Variants in COBL observed in about 807,000 individuals in gnomAD.
COBL encodes the protein protein cordon-bleu.
Under a neutral mutation model 98.8 loss-of-function variants are expected in COBL, and 51 were observed. That is an observed-to-expected ratio of 0.52 (90% confidence interval 0.41 to 0.65). The LOEUF (loss-of-function observed/expected upper bound fraction) is 0.65, where lower values mean the gene tolerates loss of function less well. Ranked by LOEUF, COBL falls within the 30% of genes least tolerant of loss-of-function variation. The pLI, the probability that COBL is intolerant of heterozygous loss-of-function variation, is 0.00. For synonymous variants in COBL, 634 were observed against 651.7 expected (o/e 0.97, Z 0.41); for missense variants, 1,617 against 1,617.5 (o/e 1.00, Z 0.01).
intron 1 of COBL, among the ~76,000 whole-genome samples, chr7:51,275,132 C>T (rs1213191513): frequency 1.3e-5 from 2 of 152,254 alleles, no homozygotes; most frequent in Admixed American, 1.3e-4. Context: ...CACGTGGAGC[C>T]GCTCCATGTT....
chr7:51,066,191 T>C (rs993830), intron 7 of COBL, among the ~76,000 whole-genome samples: 2 of 152,202 alleles, frequency 1.3e-5, no homozygotes, highest in Non-Finnish European at 2.9e-5. Context: ...GTCTCTGTGG[T>C]GTCCTCTGAT....
intron 7 of COBL, among the ~76,000 whole-genome samples, chr7:51,081,093 A>AGCG (rs1562883805): frequency 2.0e-5 from 3 of 151,992 alleles, no homozygotes; most frequent in Non-Finnish European, 4.4e-5. Context: ...AGCGCGGGGC[A>AGCG]GGAGCGGGGC....
intron 1 of COBL, among the ~76,000 whole-genome samples, chr7:51,268,932 T>TAAAAAAAA (rs34068228): frequency 1.9e-5 from 2 of 103,564 alleles, no homozygotes; most frequent in Admixed American, 1.0e-4. Context: ...CCCGTCTCAA[T>TAAAAAAAA]AAAAAAAAAA....
At chr7:51,097,445 G>C (rs1795371960) in intron 6 of COBL, among the ~76,000 whole-genome samples, 1 of 152,088 alleles carries the variant, frequency 6.6e-6, no homozygotes, top group Non-Finnish European at 1.5e-5. Context: ...GGGAGTCCTA[G>C]CCATAACAAT....
At chr7:51,169,955 AAT>A (rs975307813) in intron 5 of COBL, among the ~76,000 whole-genome samples, 3 of 152,260 alleles carry the variant, frequency 2.0e-5, no homozygotes, top group South Asian at 4.1e-4. Flanking sequence ...GTACCCCATA[AAT>A]ATATATACCT....
In COBL at chr7:51,076,758, C is replaced by G. The variant is rs182542920; in HGVS notation, c.1096+8408G>C. ...GACAATGACCTATCTTCCCTTTATGCCTTTTGATCTTTTGTCAATTACCCT... is the reference window on the plus strand; with the variant it reads ...GACAATGACCTATCTTCCCTTTATGGCTTTTGATCTTTTGTCAATTACCCT... On this transcript the variant is annotated intron_variant, in intron 7 of 12. Transcript: ENST00000265136. Among the ~76,000 whole-genome samples the G allele has an allele frequency of 5.9e-5, 9 of 152,182 alleles. No individual in the cohort carries two copies. The East Asian group carries it at 1.4e-3, about 23-fold the overall frequency.
At chr7:51,255,150 C>T (rs1797084400) in intron 1 of COBL, among the ~76,000 whole-genome samples, 1 of 152,218 alleles carries the variant, frequency 6.6e-6, no homozygotes, top group African/African-American at 2.4e-5. Context: ...AATATGCAAG[C>T]TTCCCTTGCG....
intron 6 of COBL, among the ~76,000 whole-genome samples, chr7:51,109,172 G>A (rs1041577022): frequency 2.6e-5 from 4 of 151,994 alleles, no homozygotes; most frequent in Non-Finnish European, 5.9e-5. Context: ...GCACACTCTC[G>A]GGCTGCTCCC....
At chr7:51,174,635 C>A (rs1562996018) in intron 5 of COBL, among the ~76,000 whole-genome samples, 1 of 152,180 alleles carries the variant, frequency 6.6e-6, no homozygotes, top group African/African-American at 2.4e-5. Context: ...AAATGCCACA[C>A]ACTGGACACC....
intron 1 of COBL, among the ~76,000 whole-genome samples, chr7:51,261,261 A>T (rs1797696786): frequency 6.6e-6 from 1 of 152,160 alleles, no homozygotes; most frequent in Non-Finnish European, 1.5e-5. Flanking sequence ...GCCTATAAAA[A>T]AACTGCAGCC....
intron 6 of COBL, among the ~76,000 whole-genome samples, chr7:51,109,911 A>C (rs1796671129): frequency 1.3e-5 from 2 of 152,184 alleles, no homozygotes; most frequent in South Asian, 4.1e-4. Context: ...ACCTGTGCAA[A>C]GGTACGAGGA....
chr7:51,068,311 A>G (rs1466536308), intron 7 of COBL, among the ~76,000 whole-genome samples: 1 of 152,226 alleles, frequency 6.6e-6, no homozygotes, highest in Non-Finnish European at 1.5e-5. Context: ...TCAGATGACT[A>G]TTAAAATGCT....
chr7:51,273,936 T>A (rs181961828), intron 1 of COBL, among the ~76,000 whole-genome samples: 1 of 152,216 alleles, frequency 6.6e-6, no homozygotes, highest in African/African-American at 2.4e-5. Context: ...TGACGCCAAC[T>A]CCCCCTGTAG....
chr7:51,142,282 C>T (rs1799832915), intron 5 of COBL, among the ~76,000 whole-genome samples: 1 of 151,924 alleles, frequency 6.6e-6, no homozygotes, highest in African/African-American at 2.4e-5. Flanking sequence ...ATGCATACTT[C>T]AGCCAACAAA....
chr7:51,085,597 G>C (rs1794162285), intron 6 of COBL, among the ~76,000 whole-genome samples: 1 of 152,192 alleles, frequency 6.6e-6, no homozygotes, highest in South Asian at 2.1e-4. Context: ...GGGACTCCAG[G>C]CAAGTCTGGA....
chr7:51,152,178 G>A (rs1785626907), intron 5 of COBL, among the ~76,000 whole-genome samples: 1 of 152,176 alleles, frequency 6.6e-6, no homozygotes, highest in Admixed American at 6.5e-5. Flanking sequence ...TACGCACAAG[G>A]GACAGGCCCA....
At chr7:51,030,756 T>C (rs190516792) in intron 9 of COBL, 56 bp downstream of exon 9, 1,406 of 1,109,346 alleles carry the variant, frequency 1.3e-3, no homozygotes, top group Non-Finnish European at 1.8e-3. Flanking sequence ...GAAGTTACTG[T>C]TGGCACCTAC....
Position 51,224,539 on chromosome 7 carries a change from C to T in COBL, c.42-4595G>A, listed in dbSNP as rs760187257. 1.9e-4 allele frequency among the ~76,000 whole-genome samples: 29 copies of T among 150,802 alleles called. No individual in the cohort carries two copies. In the Middle Eastern group the frequency reaches 0.01, roughly 54 times the overall value. ...TGAGAAAAAGAGACAAAGCCTGGGG[C>T]AGGAGGAGAAGTCCCCAAAGAGAAA... is the stretch of plus-strand genomic sequence containing the variant. On this transcript the variant is annotated intron_variant, in intron 1 of 12. Coordinates refer to ENST00000265136, the MANE Select transcript of COBL (RefSeq NM_015198.5).
chr7:51,136,834 A>T (rs1026615219), intron 5 of COBL, among the ~76,000 whole-genome samples: 7 of 152,206 alleles, frequency 4.6e-5, no homozygotes, highest in African/African-American at 1.7e-4. Context: ...ATGAAAACTG[A>T]CAATGTGGTA....
Sources: gnomAD v4.1 joint callset for allele counts (sites outside exome capture counted in the v4.1 genomes callset) on GRCh38, gnomAD v4.1.1 for gene constraint, MANE v1.5 for transcripts, NCBI Gene and HGNC (gene_info 2026-07-23, HGNC 2026-07-21) for gene names.